Variants in STAMBP observed in about 807,000 individuals in gnomAD.
STAMBP encodes the protein STAM-binding protein.
A neutral mutation model predicts 50.7 loss-of-function variants in STAMBP; 31 were observed. That is an observed-to-expected ratio of 0.61 (90% confidence interval 0.46 to 0.83). STAMBP has a LOEUF of 0.83. STAMBP is among the 40% of genes least tolerant of loss of function. The pLI, the probability that STAMBP is intolerant of heterozygous loss-of-function variation, is 0.00. For missense variants in STAMBP, 472 were observed against 518.9 expected, an observed-to-expected ratio of 0.91 and a Z score of 0.88; for synonymous variants, 211 against 192.4, an observed-to-expected ratio of 1.10 and a Z score of -0.80.
rs1356589099 is a variant in STAMBP, at chr2:73,865,770, G to A, written c.*3511G>A. 1 of 152,016 alleles carries A rather than the reference G, an allele frequency of 6.6e-6. No homozygotes were observed. Among genetic ancestry groups the A allele is most frequent in the Non-Finnish European group, 1.5e-5 (1 of 68,032 alleles). 9.4% of individuals were successfully genotyped at this position (152,016 alleles called of 1,614,324 possible). On this transcript the variant is annotated 3_prime_UTR_variant, in exon 10 of 10. Coordinates refer to ENST00000394070, the MANE Select transcript of STAMBP (RefSeq NM_213622.4). ...GTCTTTCTTGAAATGTTACAGTTGG[G>A]GTGCGGTTGCTTCTATCTTCTGGAC...
chr2:73,843,377 T>C (rs1317682287), intron 2 of STAMBP, among the ~76,000 whole-genome samples: 1 of 146,738 alleles, frequency 6.8e-6, no homozygotes, highest in Non-Finnish European at 1.5e-5. Flanking sequence ...TTTGTGTTTT[T>C]TTATGTTTTG....
chr2:73,831,994 G>C (rs925550192), intron 2 of STAMBP, among the ~76,000 whole-genome samples: 13 of 151,186 alleles, frequency 8.6e-5, no homozygotes, highest in African/African-American at 2.9e-4. Context: ...TAATGTTCTA[G>C]AGTCAGAGGT....
At chr2:73,856,135 A>G (rs2104631352) in intron 7 of STAMBP, among the ~76,000 whole-genome samples, 1 of 152,250 alleles carries the variant, frequency 6.6e-6, no homozygotes, top group East Asian at 1.9e-4. Context: ...TTTAGGTGAT[A>G]TTTTAACTGA....
Position 73,866,000 on chromosome 2 carries a change from T to C in STAMBP, c.*3741T>C, listed in dbSNP as rs1558604893. 6.6e-6 allele frequency: 1 copy of C among 152,232 alleles called. No individual in the cohort carries two copies. The highest frequency in any genetic ancestry group is 1.5e-5 in the Non-Finnish European group (1 of 68,060). 9.4% of individuals were successfully genotyped at this position (152,232 alleles called of 1,614,324 possible). On this transcript the variant is annotated 3_prime_UTR_variant, in exon 10 of 10. Coordinates refer to ENST00000394070, the MANE Select transcript of STAMBP (RefSeq NM_213622.4). Reference sequence around the variant, plus strand: ...GGACCTAAAGAAATTACATCATCTCTATTTTCCCTTGGCTCCAGCCCACTC... The same window carrying C: ...GGACCTAAAGAAATTACATCATCTCCATTTTCCCTTGGCTCCAGCCCACTC...
intron 7 of STAMBP, among the ~76,000 whole-genome samples, chr2:73,853,083 A>C (rs1677077278): frequency 1.3e-5 from 2 of 152,118 alleles, no homozygotes; most frequent in African/African-American, 2.4e-5. Flanking sequence ...AAAAATTTCC[A>C]GATGTTAACC....
At chr2:73,833,088 A>G (rs1053774619) in intron 2 of STAMBP, among the ~76,000 whole-genome samples, 2 of 152,240 alleles carry the variant, frequency 1.3e-5, no homozygotes, top group African/African-American at 4.8e-5. Context: ...ATTTATAGTC[A>G]GAGAAAAGGA....
At chr2:73,849,296 G>A (rs1676507119) in intron 5 of STAMBP, 67 bp from the exon 6 acceptor site, 1 of 1,609,594 alleles carries the variant, frequency 6.2e-7, no homozygotes, top group Non-Finnish European at 8.5e-7. Context: ...CAGGGCTGCT[G>A]GCTGTGAGGT....
At chr2:73,861,807 G>A (rs1678358598) in intron 9 of STAMBP, among the ~76,000 whole-genome samples, 1 of 150,848 alleles carries the variant, frequency 6.6e-6, no homozygotes, top group South Asian at 2.1e-4. Context: ...GATTACAAGC[G>A]TGAGCCACCG....
Position 73,850,366 on chromosome 2 carries a change from C to A in STAMBP, c.868-10C>A. ...AGGGAATTGTGACCAGCTGTTTTCT[C>A]CTTTGGCAGATGAGGAATGAATTTA... On this transcript the variant is annotated splice_polypyrimidine_tract_variant and intron_variant, in intron 6 of 9. Coordinates refer to ENST00000394070, the MANE Select transcript of STAMBP (RefSeq NM_213622.4). This position sits in a 1 kb window ranked among gnomAD's most constrained non-coding sequence, Gnocchi z 4.3. 6 of 1,603,354 alleles carry A rather than the reference C, an allele frequency of 3.7e-6. No homozygotes were observed. Among genetic ancestry groups the A allele is most frequent in the Non-Finnish European group, 5.1e-6 (6 of 1,174,766 alleles).
chr2:73,850,640 C>A lies in STAMBP; in HGVS notation c.1005+127C>A, dbSNP rs761696266. ...TTATTGTTTTTCTCTCTTTTGGATG[C>A]AGTCCTTAGCATACTTGACTATTGC... On this transcript the variant is annotated intron_variant, in intron 7 of 9. Coordinates refer to ENST00000394070, the MANE Select transcript of STAMBP (RefSeq NM_213622.4). This position sits in a 1 kb window ranked among gnomAD's most constrained non-coding sequence, Gnocchi z 4.3. 2.2e-5 allele frequency: 23 copies of A among 1,039,988 alleles called. No homozygotes were observed. Among genetic ancestry groups the A allele is most frequent in the Admixed American group, 1.0e-4 (3 of 28,692 alleles). 64.4% of individuals were successfully genotyped at this position (1,039,988 alleles called of 1,614,324 possible).
Position 73,862,721 on chromosome 2 carries a change from A to T in STAMBP, c.*462A>T, listed in dbSNP as rs1573413730. 6.5e-6 allele frequency: 1 copy of T among 152,860 alleles called. No homozygotes were observed. The highest frequency in any genetic ancestry group is 1.5e-5 in the Non-Finnish European group (1 of 68,206). 9.5% of individuals were successfully genotyped at this position (152,860 alleles called of 1,614,324 possible). A position where few individuals can be genotyped will look rare whatever the true frequency, so the allele number is the denominator to read the frequency against. ...AATCTTTTGGATTTTCCTGTGGTTT[A>T]TGGCAATATGAATGGAGCTTATTAC... On this transcript the variant is annotated 3_prime_UTR_variant, in exon 10 of 10. Transcript: ENST00000394070.
downstream of STAMBP, among the ~76,000 whole-genome samples, chr2:73,871,961 C>T (rs944718810): frequency 2.6e-5 from 4 of 151,672 alleles, no homozygotes; most frequent in Admixed American, 6.6e-5. Context: ...TTAGTATAGA[C>T]GGGGTTTCAC....
intron 8 of STAMBP, 139 bp downstream of exon 8, chr2:73,859,505 C>A: frequency 1.5e-6 from 1 of 675,786 alleles, no homozygotes; most frequent in South Asian, 2.0e-5. Flanking sequence ...TTCTAAAGGG[C>A]TTCCTTTTAA....
At chr2:73,859,231 T>C (rs1294309156) in intron 7 of STAMBP, 23 bp from the exon 8 acceptor site, 3 of 1,583,960 alleles carry the variant, frequency 1.9e-6, no homozygotes. Context: ...CTAAGAGTCC[T>C]CTGACTCTTT....
chr2:73,844,687 C>G (rs925259346), intron 2 of STAMBP, 126 bp from the exon 3 acceptor site: 1 of 695,590 alleles, frequency 1.4e-6, no homozygotes, highest in East Asian at 2.9e-5. Context: ...GGTGTATTAG[C>G]TCTCCCTCCG....
At chr2:73,833,380 C>A (rs1674199452) in intron 2 of STAMBP, among the ~76,000 whole-genome samples, 1 of 152,124 alleles carries the variant, frequency 6.6e-6, no homozygotes, top group Admixed American at 6.5e-5. Context: ...TGTCATGTGG[C>A]CTCAATGTTG....
chr2:73,854,271 G>A (rs1372885972), intron 7 of STAMBP, among the ~76,000 whole-genome samples: 1 of 152,212 alleles, frequency 6.6e-6, no homozygotes, highest in East Asian at 1.9e-4. Context: ...CAATAAGGTT[G>A]GAGTCTAGGT....
rs999403840 is a variant in STAMBP at position 73,864,741 on chromosome 2, T to A, written c.*2482T>A. 6.6e-6 allele frequency: 1 copy of A among 152,256 alleles called. No individual in the cohort carries two copies. Among genetic ancestry groups the A allele is most frequent in the African/African-American group, 2.4e-5 (1 of 41,454 alleles). 9.4% of individuals were successfully genotyped at this position (152,256 alleles called of 1,614,324 possible). ...GCTGCACAAGTACCATACTTAGTGT[T>A]CTGGGCTGAGAGGGGAGACAAAAGC... On this transcript the variant is annotated 3_prime_UTR_variant, in exon 10 of 10. Transcript: ENST00000394070.
Position 73,867,060 on chromosome 2 carries a change from T to C in STAMBP, c.*4801T>C, listed in dbSNP as rs1171332775. 6.6e-6 allele frequency: 1 copy of C among 152,230 alleles called. No homozygotes were observed. Among genetic ancestry groups the C allele is most frequent in the African/African-American group, 2.4e-5 (1 of 41,446 alleles). 9.4% of individuals were successfully genotyped at this position (152,230 alleles called of 1,614,324 possible). On this transcript the variant is annotated 3_prime_UTR_variant, in exon 10 of 10. Transcript: ENST00000394070. ...TTATTGCTAGCTTATGTGTCTAAAG[T>C]ATACTCCTTGAGAACAGCAACTTTG...
Sources: gnomAD v4.1 joint callset for allele counts (sites outside exome capture counted in the v4.1 genomes callset) on GRCh38, gnomAD v4.1.1 for gene constraint, Gnocchi (gnomAD v3.1) non-coding constraint, MANE v1.5 for transcripts, NCBI Gene and HGNC (gene_info 2026-07-23, HGNC 2026-07-21) for gene names.